TENM2: variants seen among roughly 807,000 people sequenced by gnomAD.
TENM2 encodes the protein teneurin-2.
In TENM2, 52 loss-of-function variants were observed where a neutral mutation model predicts 245.2. The observed-to-expected ratio is 0.21, with a 90% CI of 0.17 to 0.27. The LOEUF (loss-of-function observed/expected upper bound fraction) is 0.27. Among genes scored for constraint, TENM2 ranks in the 10% least tolerant of loss-of-function variants. The pLI is 1.00. For synonymous variants in TENM2, 1,363 were observed against 1,438.9 expected (o/e 0.95, Z 1.19); for missense variants, 3,046 against 3,666.8 (o/e 0.83, Z 4.37).
At chr5:167,019,545 A>T in the TENM2 span, among the ~76,000 whole-genome samples, 1 of 151,992 alleles carries the variant, frequency 6.6e-6, no homozygotes, top group Non-Finnish European at 1.5e-5. Flanking sequence ...ATCTCTGCTC[A>T]CTGCAACCTC....
At chr5:167,172,745 G>A in the TENM2 span, among the ~76,000 whole-genome samples, 1 of 151,256 alleles carries the variant, frequency 6.6e-6, no homozygotes, top group Non-Finnish European at 1.5e-5. Flanking sequence ...CAAGTAGCCA[G>A]CACGATAGGC....
chr5:167,416,123 T>G (rs1763156364), intron 2 of TENM2, among the ~76,000 whole-genome samples: 2 of 152,158 alleles, frequency 1.3e-5, no homozygotes, highest in Admixed American at 6.6e-5. Context: ...AAGGGGGTGC[T>G]TAGCAGCGAT....
chr5:168,120,734 A>G (rs1386629978), intron 10 of TENM2, among the ~76,000 whole-genome samples: 1 of 152,232 alleles, frequency 6.6e-6, no homozygotes, highest in East Asian at 1.9e-4. Context: ...TAGGAAATGG[A>G]ATCAGAAAGT....
At chr5:167,745,719 C>G (rs1761512842) in intron 2 of TENM2, among the ~76,000 whole-genome samples, 2 of 152,162 alleles carry the variant, frequency 1.3e-5, no homozygotes, top group African/African-American at 4.8e-5. Flanking sequence ...CTTTTCTTGT[C>G]TCTATAAAAG....
At chr5:167,363,094 C>T (rs1159185951) in intron 1 of TENM2, among the ~76,000 whole-genome samples, 1 of 152,126 alleles carries the variant, frequency 6.6e-6, no homozygotes, top group Admixed American at 6.6e-5. Flanking sequence ...AGAGAACTCT[C>T]CATCCAGGCA....
chr5:167,871,757 G>T (rs969513099), intron 2 of TENM2, among the ~76,000 whole-genome samples: 3 of 152,142 alleles, frequency 2.0e-5, no homozygotes, highest in African/African-American at 7.2e-5. Flanking sequence ...GAGTCAAGGG[G>T]CTTCAGCAGT....
chr5:167,527,272 G>A (rs992969919), intron 2 of TENM2, among the ~76,000 whole-genome samples: 1 of 152,022 alleles, frequency 6.6e-6, no homozygotes, highest in East Asian at 1.9e-4. Context: ...GATTGTGTTT[G>A]CTAGAACTAA....
chr5:167,457,249 TAA>T (rs1312248636), intron 2 of TENM2, among the ~76,000 whole-genome samples: 1 of 152,092 alleles, frequency 6.6e-6, no homozygotes, highest in Non-Finnish European at 1.5e-5. Context: ...CAAAACCTTA[TAA>T]GAGTTAGATA....
chr5:168,250,781 C>T (rs1008636704), intron 27 of TENM2, among the ~76,000 whole-genome samples: 1 of 152,186 alleles, frequency 6.6e-6, no homozygotes, highest in Non-Finnish European at 1.5e-5. Context: ...GCCAGGGCTT[C>T]CCCGCTTACC....
intron 5 of TENM2, among the ~76,000 whole-genome samples, chr5:168,044,691 C>A (rs1280988503): frequency 6.6e-6 from 1 of 151,926 alleles, no homozygotes; most frequent in Non-Finnish European, 1.5e-5. Context: ...CATTATTCTA[C>A]CTGTACAGGG....
chr5:167,061,150 C>T, the TENM2 span, among the ~76,000 whole-genome samples: 7 of 151,988 alleles, frequency 4.6e-5, no homozygotes, highest in East Asian at 1.9e-4. Flanking sequence ...CACACGCACA[C>T]GAATGTTAAT....
chr5:167,091,244 G>T, the TENM2 span, among the ~76,000 whole-genome samples: 1 of 152,014 alleles, frequency 6.6e-6, no homozygotes, highest in Non-Finnish European at 1.5e-5. Context: ...AATGCAAAGT[G>T]TCAAAAATGC....
the TENM2 span, among the ~76,000 whole-genome samples, chr5:167,022,696 A>G: frequency 1.3e-5 from 2 of 152,172 alleles, no homozygotes; most frequent in Non-Finnish European, 2.9e-5. Context: ...AGTGACAACA[A>G]TAAGGTGGCT....
chr5:167,670,766 C>T (rs986390880), intron 2 of TENM2, among the ~76,000 whole-genome samples: 2 of 152,164 alleles, frequency 1.3e-5, no homozygotes, highest in Non-Finnish European at 2.9e-5. Flanking sequence ...CTAGATTACA[C>T]ATGCTGTTTT....
At chr5:167,201,574 C>T in the TENM2 span, among the ~76,000 whole-genome samples, 6 of 152,088 alleles carry the variant, frequency 3.9e-5, no homozygotes, top group African/African-American at 7.2e-5. Flanking sequence ...GTAATGGGTA[C>T]GAGCTCACTG....
the TENM2 span, among the ~76,000 whole-genome samples, chr5:167,258,116 G>A: frequency 6.6e-6 from 1 of 150,950 alleles, no homozygotes; most frequent in African/African-American, 2.4e-5. Context: ...ACCATAATTT[G>A]ACTCAAAAGA....
intron 3 of TENM2, among the ~76,000 whole-genome samples, chr5:167,903,846 C>A (rs1456417780): frequency 6.6e-6 from 1 of 152,080 alleles, no homozygotes; most frequent in Non-Finnish European, 1.5e-5. Context: ...CAAGCCATGG[C>A]AAGAGGCTTG....
chr5:167,630,079 T>G (rs1778766236), intron 2 of TENM2, among the ~76,000 whole-genome samples: 1 of 152,078 alleles, frequency 6.6e-6, no homozygotes, highest in Non-Finnish European at 1.5e-5. Flanking sequence ...TTTTTTCTTC[T>G]TCATAATTTT....
chr5:167,512,360 TA>T (rs1770024707), intron 2 of TENM2, among the ~76,000 whole-genome samples: 1 of 152,218 alleles, frequency 6.6e-6, no homozygotes, highest in Non-Finnish European at 1.5e-5. Context: ...TCTTGCTTTT[TA>T]AATTTGAGTT....
Sources: gnomAD v4.1 joint callset for allele counts (sites outside exome capture counted in the v4.1 genomes callset) on GRCh38, gnomAD v4.1.1 for gene constraint, MANE v1.5 for transcripts, NCBI Gene and HGNC (gene_info 2026-07-23, HGNC 2026-07-21) for gene names.